The following FGF14 variants were observed in gnomAD, a reference collection of about 807,000 sequenced individuals.
The protein encoded by FGF14 is fibroblast growth factor homologous factor 4.
A neutral mutation model predicts 25.5 loss-of-function variants in FGF14; 5 were observed. The observed-to-expected ratio is 0.20, with a 90% CI of 0.10 to 0.41. The LOEUF is 0.41. Among genes scored for constraint, FGF14 ranks in the 10% least tolerant of loss-of-function variants. The probability of loss-of-function intolerance (pLI) is 1.00; values close to 1 mark genes in which losing one functional copy is unlikely to be tolerated. For missense variants in FGF14, 222 were observed against 320.1 expected, an observed-to-expected ratio of 0.69 and a Z score of 2.34; for synonymous variants, 138 against 118.3, an observed-to-expected ratio of 1.17 and a Z score of -1.08.
chr13:102,069,877 G>A lies in FGF14; in HGVS notation c.209-194581C>T, dbSNP rs1395559673. 2.0e-5 allele frequency among the ~76,000 whole-genome samples: 3 copies of A among 152,334 alleles called. No individual in the cohort carries two copies. In the East Asian group the frequency reaches 5.8e-4, roughly 29 times the overall value. On this transcript the variant is annotated intron_variant, in intron 1 of 4. Coordinates refer to the FGF14 transcript ENST00000376131. ...AATCCCAGCACTTTGGGAGGCTGAG[G>A]TGGGTGGATCACCTGGCGGGTGGAA...
At position 101,958,359 on chromosome 13, in the gene FGF14, C is replaced by A. The variant is rs747986418; in HGVS notation, c.209-83063G>T. 3.3e-5 allele frequency among the ~76,000 whole-genome samples: 5 copies of A among 152,322 alleles called. No homozygotes were observed. In the South Asian group the frequency reaches 6.2e-4, roughly 19 times the overall value. On this transcript the variant is annotated intron_variant, in intron 1 of 4. Coordinates refer to the FGF14 transcript ENST00000376131. ...AGCATGTAGGAGTGCCAGCCCCTGG[C>A]AAAATTGTGAACTCATTTCATCACT...
At chr13:102,261,220 T>C (rs2052700537) in intron 1 of FGF14, among the ~76,000 whole-genome samples, 1 of 152,146 alleles carries the variant, frequency 6.6e-6, no homozygotes, top group South Asian at 2.1e-4. Flanking sequence ...AAAGGAAAAG[T>C]TTTGTAAGAA....
At chr13:101,970,081 C>T (rs1390390721) in intron 1 of FGF14, among the ~76,000 whole-genome samples, 1 of 152,158 alleles carries the variant, frequency 6.6e-6, no homozygotes, top group Non-Finnish European at 1.5e-5. Flanking sequence ...TGCTAATTCA[C>T]TCCATTGGTT....
At chr13:102,030,860 T>C (rs551957867) in intron 1 of FGF14, among the ~76,000 whole-genome samples, 20 of 152,182 alleles carry the variant, frequency 1.3e-4, no homozygotes, top group African/African-American at 4.8e-4. Context: ...GAAAATATGG[T>C]GTAAGCGAAT....
chr13:101,839,490 G>A (rs1396559847), intron 3 of FGF14, among the ~76,000 whole-genome samples: 2 of 151,930 alleles, frequency 1.3e-5, no homozygotes, highest in Non-Finnish European at 2.9e-5. Context: ...CTGGAAGGGA[G>A]GTTTAGGATA....
chr13:102,391,588 T>A (rs891822798), intron 1 of FGF14, among the ~76,000 whole-genome samples: 5 of 152,240 alleles, frequency 3.3e-5, no homozygotes, highest in Non-Finnish European at 7.3e-5. Flanking sequence ...CAGTCATTAT[T>A]ATTTGTCTGA....
chr13:102,072,589 GGGAGTGT>G (rs2140157008), intron 1 of FGF14, among the ~76,000 whole-genome samples: 1 of 152,264 alleles, frequency 6.6e-6, no homozygotes, highest in East Asian at 1.9e-4. Flanking sequence ...TACAGGATAA[GGGAGTGT>G]TATACACTGA....
At chr13:102,108,601 C>T (rs2045051501) in intron 1 of FGF14, among the ~76,000 whole-genome samples, 1 of 152,094 alleles carries the variant, frequency 6.6e-6, no homozygotes. Flanking sequence ...ATATTTAAAC[C>T]TATGTGTATA....
chr13:102,115,980 C>T (rs928605834), intron 1 of FGF14, among the ~76,000 whole-genome samples: 2 of 152,110 alleles, frequency 1.3e-5, no homozygotes, highest in Middle Eastern at 3.4e-3. Context: ...CTTGGTGACG[C>T]ATGCCTGTAA....
At chr13:102,194,374 G>A (rs916080864) in intron 1 of FGF14, among the ~76,000 whole-genome samples, 14 of 151,848 alleles carry the variant, frequency 9.2e-5, no homozygotes, top group Middle Eastern at 3.4e-3. Context: ...ATATCAACCC[G>A]TCACCTAGGT....
intron 1 of FGF14, among the ~76,000 whole-genome samples, chr13:102,192,868 A>T (rs979343801): frequency 2.0e-5 from 3 of 152,132 alleles, no homozygotes; most frequent in African/African-American, 7.2e-5. Context: ...ATTATTTATT[A>T]TATTATTATA....
intron 3 of FGF14, among the ~76,000 whole-genome samples, chr13:101,840,503 A>G (rs1199822070): frequency 2.0e-5 from 3 of 151,748 alleles, no homozygotes; most frequent in Admixed American, 2.0e-4. Flanking sequence ...TAGAAATTTG[A>G]CTGGCTCTAT....
intron 1 of FGF14, among the ~76,000 whole-genome samples, chr13:102,326,805 A>G (rs2056469090): frequency 6.6e-6 from 1 of 152,000 alleles, no homozygotes; most frequent in Non-Finnish European, 1.5e-5. Context: ...GGAAGGAAAT[A>G]TATATGAGCA....
chr13:101,962,693 A>G (rs1458419011), intron 1 of FGF14, among the ~76,000 whole-genome samples: 1 of 152,134 alleles, frequency 6.6e-6, no homozygotes, highest in Non-Finnish European at 1.5e-5. Context: ...AATTTTTTAT[A>G]TTTTGAATAT....
chr13:102,171,759 C>A (rs927367942), intron 1 of FGF14, among the ~76,000 whole-genome samples: 2 of 151,900 alleles, frequency 1.3e-5, no homozygotes, highest in African/African-American at 2.4e-5. Flanking sequence ...ATTTTTAATG[C>A]CAGTATTTTT....
intron 3 of FGF14, among the ~76,000 whole-genome samples, chr13:101,855,111 C>T (rs1376213094): frequency 6.6e-6 from 1 of 152,002 alleles, no homozygotes; most frequent in Admixed American, 6.6e-5. Flanking sequence ...TGGTATCACA[C>T]CCACGCATTC....
At position 101,719,002 on chromosome 13, in the gene FGF14, A is replaced by G. The variant is rs1055025157; in HGVS notation, c.*3829T>C. ...GAAAAAAAAATTGAGGATTTAGCCC[A>G]GTCGCTTTCCCTTGATATAGCCTTG... On this transcript the variant is annotated 3_prime_UTR_variant, in exon 5 of 5. Coordinates refer to ENST00000376143, the MANE Select transcript of FGF14 (RefSeq NM_004115.4). 2.0e-5 allele frequency: 3 copies of G among 152,096 alleles called. No homozygotes were observed. The highest frequency in any genetic ancestry group is 2.9e-5 in the Non-Finnish European group (2 of 68,010). The allele number at this position is 152,096 out of a possible 1,614,324, so 9.4% of individuals were successfully genotyped here. A position where few individuals can be genotyped will look rare whatever the true frequency, so the allele number is the denominator to read the frequency against.
At chr13:101,937,956 C>T (rs2139292335) in intron 1 of FGF14, among the ~76,000 whole-genome samples, 1 of 152,248 alleles carries the variant, frequency 6.6e-6, no homozygotes, top group East Asian at 1.9e-4. Flanking sequence ...TCCTAGAAAA[C>T]TAATACATTA....
At chr13:101,885,863 C>T (rs1217136945) in intron 1 of FGF14, among the ~76,000 whole-genome samples, 1 of 152,180 alleles carries the variant, frequency 6.6e-6, no homozygotes, top group Non-Finnish European at 1.5e-5. Context: ...TAAAATACCA[C>T]ACTCAGGAAC....
Sources: gnomAD v4.1 joint callset for allele counts (sites outside exome capture counted in the v4.1 genomes callset) on GRCh38, gnomAD v4.1.1 for gene constraint, MANE v1.5 for transcripts, NCBI Gene and HGNC (gene_info 2026-07-23, HGNC 2026-07-21) for gene names.